The following LRRC9 variants were observed in gnomAD, a reference collection of about 807,000 sequenced individuals.
LRRC9 encodes leucine rich repeat containing 9.
A neutral mutation model predicts 63.2 loss-of-function variants in LRRC9; 122 were observed. The ratio of observed to expected loss-of-function variants is 1.93; its 90% CI spans 1.67 to 2.24. The LOEUF (loss-of-function observed/expected upper bound fraction) is 2.24. Ranked by LOEUF, LRRC9 falls within the 30% of genes most tolerant of loss-of-function variation. The probability of loss-of-function intolerance (pLI) is 0.00; values close to 1 mark genes in which losing one functional copy is unlikely to be tolerated. For missense variants in LRRC9, 1,071 were observed against 627.7 expected, an observed-to-expected ratio of 1.71 and a Z score of -7.55; for synonymous variants, 366 against 213.1, an observed-to-expected ratio of 1.72 and a Z score of -6.25.
chr14:60,064,972 T>A (rs1186728679), downstream of LRRC9, among the ~76,000 whole-genome samples: 4 of 152,250 alleles, frequency 2.6e-5, no homozygotes, highest in Non-Finnish European at 4.4e-5. Flanking sequence ...CATTTTGGCA[T>A]ATTTTCTTTT....
At chr14:60,036,587 A>G (rs1482551785) in intron 29 of LRRC9, among the ~76,000 whole-genome samples, 2 of 152,148 alleles carry the variant, frequency 1.3e-5, no homozygotes, top group East Asian at 3.9e-4. Flanking sequence ...CAGGTTGTGC[A>G]TTTTGGGGAG....
chr14:59,951,830 A>T (rs1202166932), intron 8 of LRRC9, among the ~76,000 whole-genome samples: 1 of 152,060 alleles, frequency 6.6e-6, no homozygotes, highest in African/African-American at 2.4e-5. Flanking sequence ...GGGGTCAGGG[A>T]CCCACTTGAG....
At chr14:59,939,919 A>G (rs1247146230) in intron 7 of LRRC9, among the ~76,000 whole-genome samples, 1 of 152,054 alleles carries the variant, frequency 6.6e-6, no homozygotes, top group Non-Finnish European at 1.5e-5. Context: ...AAATTAAAAT[A>G]TGAGAATTGA....
At chr14:60,065,846 C>T (rs1175338095), downstream of LRRC9, among the ~76,000 whole-genome samples, 1 of 151,202 alleles carries the variant, frequency 6.6e-6, no homozygotes, top group African/African-American at 2.4e-5. Flanking sequence ...ACCTGGTAAG[C>T]TAGAAATTAA....
At chr14:60,029,155 G>T (rs552247431) in intron 28 of LRRC9, among the ~76,000 whole-genome samples, 1 of 152,166 alleles carries the variant, frequency 6.6e-6, no homozygotes, top group Admixed American at 6.6e-5. Context: ...CCCTTCTATG[G>T]AGATCTTTCC....
At chr14:60,008,057 T>C in intron 22 of LRRC9, 35 bp from the exon 23 acceptor site, 2 of 611,148 alleles carry the variant, frequency 3.3e-6, no homozygotes, top group African/African-American at 1.9e-5. Flanking sequence ...GCTTTAAATA[T>C]ACATATAGAT....
intron 18 of LRRC9, among the ~76,000 whole-genome samples, chr14:59,998,550 G>A (rs1242575590): frequency 6.6e-6 from 1 of 151,998 alleles, no homozygotes; most frequent in Non-Finnish European, 1.5e-5. Context: ...GCCTTTAAAA[G>A]ATGTATATCA....
rs1176687079 is a variant in LRRC9 at position 59,966,560 on chromosome 14, A to G, written c.1212-29A>G. On this transcript the variant is annotated intron_variant, in intron 10 of 31. Transcript: ENST00000445360. The surrounding 1 kb of genome is among the most constrained non-coding windows in gnomAD (Gnocchi z 4.0). Reference sequence around the variant, plus strand: ...TTAAGGAAAATCTATTATTTTCTTCATGTATATTCTGTATGTATTCCCACA... The same window carrying G: ...TTAAGGAAAATCTATTATTTTCTTCGTGTATATTCTGTATGTATTCCCACA... 1.3e-5 allele frequency: 7 copies of G among 556,540 alleles called. No homozygotes were observed. Among genetic ancestry groups the G allele is most frequent in the Non-Finnish European group, 2.3e-5 (7 of 308,114 alleles). 34.5% of individuals were successfully genotyped at this position (556,540 alleles called of 1,614,324 possible).
chr14:60,037,166 T>A lies in LRRC9; in HGVS notation c.3990+5103T>A, dbSNP rs574698953. ...ACATTTTCTTAATCCAGTCTATCAATGATGGACATTCGGGTTGGTTCCAAG... is the reference window on the plus strand; with the variant it reads ...ACATTTTCTTAATCCAGTCTATCAAAGATGGACATTCGGGTTGGTTCCAAG... On this transcript the variant is annotated intron_variant, in intron 29 of 31. Transcript: ENST00000445360. 5.3e-5 allele frequency among the ~76,000 whole-genome samples: 8 copies of A among 152,312 alleles called. No homozygotes were observed. The East Asian group carries it at 1.5e-3, about 29-fold the overall frequency.
chr14:59,933,495 G>A (rs1239433765), intron 6 of LRRC9, among the ~76,000 whole-genome samples: 1 of 152,096 alleles, frequency 6.6e-6, no homozygotes. Context: ...TAAGATTGAA[G>A]GTGCATATTC....
At chr14:60,052,428 C>G (rs568321870) in intron 29 of LRRC9, among the ~76,000 whole-genome samples, 1 of 152,300 alleles carries the variant, frequency 6.6e-6, no homozygotes, top group East Asian at 1.9e-4. Context: ...TACATAGGCA[C>G]ACTCTTCCTA....
chr14:60,028,818 C>A (rs973937860), intron 28 of LRRC9, among the ~76,000 whole-genome samples: 1 of 152,092 alleles, frequency 6.6e-6, no homozygotes, highest in Non-Finnish European at 1.5e-5. Flanking sequence ...GGGCAGAGAC[C>A]AAGTCTATCT....
chr14:59,967,125 T>C (rs993227792), exon 12 of LRRC9: 1 of 647,696 alleles, frequency 1.5e-6, no homozygotes, highest in East Asian at 2.7e-5. Flanking sequence ...GAATGCCTTT[T>C]TTATGTTTTT....
At chr14:60,065,481 C>T (rs527478777), downstream of LRRC9, among the ~76,000 whole-genome samples, 1 of 150,544 alleles carries the variant, frequency 6.6e-6, no homozygotes, top group East Asian at 2.0e-4. Context: ...AGCCCCATCC[C>T]TACTAAAAAT....
chr14:59,956,636 C>T (rs989272569), intron 8 of LRRC9, among the ~76,000 whole-genome samples: 21 of 152,276 alleles, frequency 1.4e-4, no homozygotes, highest in African/African-American at 4.8e-4. Flanking sequence ...AGCCCATTTA[C>T]ATTTAAGGTT....
At chr14:59,978,805 G>C (rs1018602871) in intron 15 of LRRC9, among the ~76,000 whole-genome samples, 1 of 151,988 alleles carries the variant, frequency 6.6e-6, no homozygotes, top group African/African-American at 2.4e-5. Context: ...AGAAAACTTG[G>C]GAGTCAAAGG....
At chr14:59,971,690 C>T (rs371915669) in intron 12 of LRRC9, among the ~76,000 whole-genome samples, 3 of 152,216 alleles carry the variant, frequency 2.0e-5, no homozygotes, top group Non-Finnish European at 2.9e-5. Context: ...ATTTCCTTCA[C>T]TGAACATGCT....
intron 17 of LRRC9, among the ~76,000 whole-genome samples, chr14:59,996,669 G>T (rs1291153191): frequency 6.6e-6 from 1 of 152,134 alleles, no homozygotes; most frequent in African/African-American, 2.4e-5. Context: ...ATTAAAATAA[G>T]GCAGGTGGAT....
rs553317859 is a variant in LRRC9 at position 59,962,195 on chromosome 14, C to T, written c.1211+1150C>T. Among the ~76,000 whole-genome samples the T allele has an allele frequency of 6.6e-6, 1 of 152,078 alleles. No homozygotes were observed. Among genetic ancestry groups the T allele is most frequent in the Non-Finnish European group, 1.5e-5 (1 of 67,996 alleles). On this transcript the variant is annotated intron_variant, in intron 10 of 31. Transcript: ENST00000445360. The surrounding 1 kb of genome is among the most constrained non-coding windows in gnomAD (Gnocchi z 5.1). ...AAGCTCTTCGCAAGGGAAAAAGAGGCCTTTGAAAATACTTTCCTTTGTATT... is the reference window on the plus strand; with the variant it reads ...AAGCTCTTCGCAAGGGAAAAAGAGGTCTTTGAAAATACTTTCCTTTGTATT...
Sources: gnomAD v4.1 joint callset for allele counts (sites outside exome capture counted in the v4.1 genomes callset) on GRCh38, gnomAD v4.1.1 for gene constraint, Gnocchi (gnomAD v3.1) non-coding constraint, MANE v1.5 for transcripts, NCBI Gene and HGNC (gene_info 2026-07-23, HGNC 2026-07-21) for gene names.